AFF3: variants seen among roughly 807,000 people sequenced by gnomAD.
AFF3 encodes AF4/FMR2 family member 3.
Under a neutral mutation model 129.7 loss-of-function variants are expected in AFF3, and 32 were observed. The observed-to-expected ratio is 0.25, with a 90% CI of 0.19 to 0.33. AFF3 has a LOEUF of 0.33. AFF3 is among the 10% of genes least tolerant of loss of function. The pLI is 1.00. For synonymous variants in AFF3, 644 were observed against 635.4 expected (o/e 1.01, Z -0.20); for missense variants, 1,373 against 1,592.0 (o/e 0.86, Z 2.34).
intron 4 of AFF3, among the ~76,000 whole-genome samples, chr2:100,032,943 A>G (rs1684623570): frequency 6.6e-6 from 1 of 152,234 alleles, no homozygotes; most frequent in Admixed American, 6.5e-5. Context: ...TTAAGTCTTG[A>G]TGTCAGTAGA....
intron 10 of AFF3, among the ~76,000 whole-genome samples, chr2:99,734,161 G>A (rs1680059880): frequency 6.6e-6 from 1 of 152,100 alleles, no homozygotes; most frequent in African/African-American, 2.4e-5. Context: ...CAGGGTTATT[G>A]CTTAGTAACT....
intron 13 of AFF3, among the ~76,000 whole-genome samples, chr2:99,617,111 A>G (rs1368678095): frequency 6.6e-6 from 1 of 152,212 alleles, no homozygotes; most frequent in Non-Finnish European, 1.5e-5. Flanking sequence ...TAATGCCACT[A>G]TGAGCATTCA....
At chr2:100,075,320 C>T (rs1462078217) in intron 4 of AFF3, among the ~76,000 whole-genome samples, 2 of 152,122 alleles carry the variant, frequency 1.3e-5, no homozygotes, top group South Asian at 4.1e-4. Flanking sequence ...TTAGCAAAGA[C>T]GTCTTCAAGA....
At position 99,884,026 on chromosome 2, in the gene AFF3, C is replaced by T. The variant is rs1046246611; in HGVS notation, c.874-46502G>A. Among the ~76,000 whole-genome samples, 25 of 152,242 alleles carry T rather than the reference C, an allele frequency of 1.6e-4. 1 individual carries two copies. The highest frequency in any genetic ancestry group is 5.1e-4 in the African/African-American group (21 of 41,554). On this transcript the variant is annotated intron_variant, in intron 7 of 24. Coordinates refer to ENST00000672756, the MANE Select transcript of AFF3 (RefSeq NM_001386135.1). ...AAGAGAGGAAATTTGTGTGCAGTCACGGCAAATACTGCCTCATTTTACCCA... is the reference window on the plus strand; with the variant it reads ...AAGAGAGGAAATTTGTGTGCAGTCATGGCAAATACTGCCTCATTTTACCCA...
intron 4 of AFF3, among the ~76,000 whole-genome samples, chr2:100,034,698 G>A (rs1358181698): frequency 1.3e-5 from 2 of 151,968 alleles, no homozygotes; most frequent in Non-Finnish European, 2.9e-5. Flanking sequence ...CAGATGCCTG[G>A]CTTTTGATCT....
chr2:99,643,886 G>A (rs1331655596), intron 13 of AFF3, among the ~76,000 whole-genome samples: 1 of 152,204 alleles, frequency 6.6e-6, no homozygotes, highest in Non-Finnish European at 1.5e-5. Flanking sequence ...TGGGCAACAA[G>A]GAGATTGGAT....
intron 7 of AFF3, among the ~76,000 whole-genome samples, chr2:99,852,901 A>C (rs1264636686): frequency 1.3e-5 from 2 of 152,216 alleles, no homozygotes. Flanking sequence ...TCAAATGAAG[A>C]AGCAATATGC....
intron 4 of AFF3, among the ~76,000 whole-genome samples, chr2:100,020,407 T>A (rs933750865): frequency 1.3e-5 from 2 of 152,052 alleles, no homozygotes; most frequent in African/African-American, 4.8e-5. Flanking sequence ...TCAGGTGCCA[T>A]CTTTATGTTG....
intron 7 of AFF3, among the ~76,000 whole-genome samples, chr2:99,904,621 A>G (rs1694578837): frequency 6.6e-6 from 1 of 152,098 alleles, no homozygotes; most frequent in Non-Finnish European, 1.5e-5. Context: ...TCTTTTTATT[A>G]ATATGCTTTT....
chr2:99,756,958 A>T (rs371837555), intron 8 of AFF3, among the ~76,000 whole-genome samples: 13 of 151,668 alleles, frequency 8.6e-5, no homozygotes, highest in African/African-American at 2.7e-4. Flanking sequence ...CCCTGACATA[A>T]CTCCTTCTGT....
chr2:99,951,791 G>A (rs1415884116), intron 7 of AFF3, among the ~76,000 whole-genome samples: 1 of 152,158 alleles, frequency 6.6e-6, no homozygotes, highest in African/African-American at 2.4e-5. Flanking sequence ...GATTACAGGT[G>A]TGTGCCACCA....
At chr2:99,556,701 C>T (rs552387093) in intron 22 of AFF3, among the ~76,000 whole-genome samples, 4 of 152,140 alleles carry the variant, frequency 2.6e-5, no homozygotes, top group South Asian at 2.1e-4. Context: ...GCAGTAGGCT[C>T]GCTGGAGGAC....
At chr2:99,660,466 T>C (rs142775756) in intron 12 of AFF3, among the ~76,000 whole-genome samples, 3 of 152,370 alleles carry the variant, frequency 2.0e-5, no homozygotes, top group Non-Finnish European at 4.4e-5. Context: ...AAACCAATTA[T>C]ACAAGAGAAA....
At chr2:99,658,629 T>A (rs918553228) in intron 12 of AFF3, among the ~76,000 whole-genome samples, 1 of 152,194 alleles carries the variant, frequency 6.6e-6, no homozygotes, top group African/African-American at 2.4e-5. Flanking sequence ...TAATCTACTT[T>A]AATATTTTTG....
chr2:99,738,158 T>A (rs1236960635), intron 10 of AFF3, among the ~76,000 whole-genome samples: 1 of 152,128 alleles, frequency 6.6e-6, no homozygotes, highest in Non-Finnish European at 1.5e-5. Flanking sequence ...GCTCGTGGTC[T>A]CGTTTCCTTT....
At chr2:99,655,683 G>A (rs1685684388) in intron 12 of AFF3, among the ~76,000 whole-genome samples, 1 of 152,186 alleles carries the variant, frequency 6.6e-6, no homozygotes, top group Non-Finnish European at 1.5e-5. Context: ...GAAGCTGGGT[G>A]AAGCATGCAT....
chr2:99,659,358 G>A (rs1217378004), intron 12 of AFF3, among the ~76,000 whole-genome samples: 1 of 152,196 alleles, frequency 6.6e-6, no homozygotes, highest in Non-Finnish European at 1.5e-5. Flanking sequence ...AACAAGAGTA[G>A]CCATCAGACC....
intron 7 of AFF3, among the ~76,000 whole-genome samples, chr2:99,933,918 A>T (rs1576377408): frequency 6.6e-6 from 1 of 152,202 alleles, no homozygotes; most frequent in East Asian, 1.9e-4. Flanking sequence ...ACAAGCTTCA[A>T]CTCCAGTGCC....
intron 8 of AFF3, among the ~76,000 whole-genome samples, chr2:99,815,769 G>C (rs998057114): frequency 2.0e-5 from 3 of 149,660 alleles, no homozygotes; most frequent in Non-Finnish European, 3.0e-5. Flanking sequence ...TTGCTTGTTA[G>C]TTTCTGACAA....
Sources: gnomAD v4.1 joint callset for allele counts (sites outside exome capture counted in the v4.1 genomes callset) on GRCh38, gnomAD v4.1.1 for gene constraint, MANE v1.5 for transcripts, NCBI Gene and HGNC (gene_info 2026-07-23, HGNC 2026-07-21) for gene names.